CRACD: variants seen among roughly 807,000 people sequenced by gnomAD.
CRACD encodes capping protein inhibiting regulator of actin dynamics.
CRACD carries 56 observed loss-of-function variants against 106.8 expected under a neutral mutation model. That is an observed-to-expected ratio of 0.52 (90% CI 0.42 to 0.66). CRACD has a LOEUF of 0.66. Among genes scored for constraint, CRACD ranks in the 30% least tolerant of loss-of-function variants. The pLI is 0.00. For synonymous variants in CRACD, 754 were observed against 670.8 expected (o/e 1.12, Z -1.92); for missense variants, 1,730 against 1,623.2 (o/e 1.07, Z -1.13).
chr4:56,181,002 T>G (rs1736799357), intron 2 of CRACD, among the ~76,000 whole-genome samples: 1 of 152,226 alleles, frequency 6.6e-6, no homozygotes, highest in African/African-American at 2.4e-5. Flanking sequence ...TGATGGATTT[T>G]TAGAAAATTT....
chr4:56,207,786 T>TGC (rs1738205189), intron 2 of CRACD, among the ~76,000 whole-genome samples: 7 of 132,198 alleles, frequency 5.3e-5, no homozygotes, highest in African/African-American at 2.0e-4. Context: ...ATATGCTTAT[T>TGC]TTATTTTATT....
At chr4:56,291,608 C>T (rs547043864) in intron 3 of CRACD, among the ~76,000 whole-genome samples, 190 of 152,286 alleles carry the variant, frequency 1.2e-3, no homozygotes, top group Admixed American at 4.8e-3. Flanking sequence ...ACCATGCTCA[C>T]CAAAGATTTA....
chr4:56,080,590 A>G (rs545540015), intron 1 of CRACD, among the ~76,000 whole-genome samples: 225 of 152,360 alleles, frequency 1.5e-3, no homozygotes, highest in Non-Finnish European at 2.5e-3. Context: ...TTTATCAGTT[A>G]GGCTCGGATT....
chr4:56,275,307 C>T (rs1742614368), intron 3 of CRACD, among the ~76,000 whole-genome samples: 1 of 152,060 alleles, frequency 6.6e-6, no homozygotes, highest in African/African-American at 2.4e-5. Context: ...GATAGAAACA[C>T]AGCAAGGTGT....
At chr4:56,130,580 CTTAT>C (rs1051212350) in intron 1 of CRACD, among the ~76,000 whole-genome samples, 1 of 152,008 alleles carries the variant, frequency 6.6e-6, no homozygotes. Context: ...TATAATTTCT[CTTAT>C]TTATCAGAAT....
chr4:56,171,170 C>T (rs540332051), intron 1 of CRACD, among the ~76,000 whole-genome samples: 4 of 151,704 alleles, frequency 2.6e-5, no homozygotes, highest in East Asian at 1.9e-4. Flanking sequence ...CATTATATGA[C>T]GAGTTAATGG....
At chr4:56,141,011 A>G (rs907308792) in intron 1 of CRACD, among the ~76,000 whole-genome samples, 4 of 152,218 alleles carry the variant, frequency 2.6e-5, no homozygotes, top group African/African-American at 7.2e-5. Context: ...ATGAAAAATT[A>G]TGGAGGCCCA....
chr4:56,116,732 G>A (rs1372138862), intron 1 of CRACD, among the ~76,000 whole-genome samples: 1 of 151,636 alleles, frequency 6.6e-6, no homozygotes, highest in Non-Finnish European at 1.5e-5. Flanking sequence ...TTTTTTAGAC[G>A]GAGTCTCACT....
At chr4:56,234,116 A>G (rs1462102158) in intron 2 of CRACD, among the ~76,000 whole-genome samples, 1 of 152,146 alleles carries the variant, frequency 6.6e-6, no homozygotes, top group African/African-American at 2.4e-5. Context: ...CACATACCAA[A>G]AAATTCACCC....
chr4:56,131,983 A>T (rs1397599234), intron 1 of CRACD, among the ~76,000 whole-genome samples: 1 of 152,186 alleles, frequency 6.6e-6, no homozygotes, highest in Non-Finnish European at 1.5e-5. Flanking sequence ...AAACTTCTGT[A>T]ACATTCAACA....
chr4:56,107,032 G>A (rs1002105720), intron 1 of CRACD, among the ~76,000 whole-genome samples: 8 of 152,114 alleles, frequency 5.3e-5, no homozygotes, highest in African/African-American at 1.4e-4. Flanking sequence ...GTGCAGTGAC[G>A]TGGCCATAGC....
chr4:56,154,134 G>A (rs1022648751), intron 1 of CRACD, among the ~76,000 whole-genome samples: 1 of 152,156 alleles, frequency 6.6e-6, no homozygotes, highest in African/African-American at 2.4e-5. Flanking sequence ...CCTAAAGGAG[G>A]ATCTGCAGCC....
chr4:56,116,910 G>A (rs1577673547), intron 1 of CRACD, among the ~76,000 whole-genome samples: 1 of 151,470 alleles, frequency 6.6e-6, no homozygotes, highest in East Asian at 2.0e-4. Flanking sequence ...GTTTCGCCAT[G>A]TTGGCCCGGC....
intron 2 of CRACD, among the ~76,000 whole-genome samples, chr4:56,239,349 G>A (rs959016598): frequency 1.3e-5 from 2 of 151,856 alleles, no homozygotes; most frequent in African/African-American, 4.8e-5. Flanking sequence ...TTCATTTTAT[G>A]AGATGTCTAT....
chr4:56,095,975 G>C (rs1177801663), intron 1 of CRACD, among the ~76,000 whole-genome samples: 1 of 152,172 alleles, frequency 6.6e-6, no homozygotes, highest in East Asian at 1.9e-4. Flanking sequence ...TGAGAGAAAA[G>C]AGGAGAGTCA....
intron 3 of CRACD, among the ~76,000 whole-genome samples, chr4:56,273,343 A>T (rs1319923845): frequency 3.3e-5 from 4 of 121,602 alleles, no homozygotes; most frequent in Non-Finnish European, 7.0e-5. Flanking sequence ...CTCCCTCCCT[A>T]CGTCCCTCCC....
At chr4:56,098,634 A>T (rs1733672794) in intron 1 of CRACD, among the ~76,000 whole-genome samples, 1 of 152,190 alleles carries the variant, frequency 6.6e-6, no homozygotes, top group African/African-American at 2.4e-5. Flanking sequence ...TGCCAACAGG[A>T]TAATTCCCAG....
rs537517576 is a variant in CRACD, at chr4:56,126,270, T to C, written c.-335-53014T>C. Among the ~76,000 whole-genome samples the C allele has an allele frequency of 1.6e-4, 24 of 152,278 alleles. 1 individual carries two copies. Among genetic ancestry groups the C allele is most frequent in the African/African-American group, 5.3e-4 (22 of 41,562 alleles). On this transcript the variant is annotated intron_variant, in intron 1 of 10. Coordinates refer to ENST00000682029, the MANE Select transcript of CRACD (RefSeq NM_001393381.1). ...CATATCTTTAAGGATTTCCACCTTT[T>C]AGTGGGGAACAGTATTTAGAAACCA...
At chr4:56,191,012 A>G (rs755576021) in intron 2 of CRACD, among the ~76,000 whole-genome samples, 3 of 152,164 alleles carry the variant, frequency 2.0e-5, no homozygotes, top group Non-Finnish European at 2.9e-5. Context: ...TGAGATTTTC[A>G]TGGGGACACA....
Sources: allele counts gnomAD v4.1 joint callset (sites outside exome capture counted in the v4.1 genomes callset), GRCh38; gene constraint gnomAD v4.1.1; transcripts MANE v1.5; gene names NCBI Gene and HGNC (gene_info 2026-07-23, HGNC 2026-07-21).